AGAP1: variants seen among roughly 807,000 people sequenced by gnomAD.
AGAP1 encodes arf-GAP with GTPase, ANK repeat and PH domain-containing protein 1.
In AGAP1, 29 loss-of-function variants were observed where a neutral mutation model predicts 105.3. The observed-to-expected ratio is 0.28, with a 90% CI of 0.21 to 0.38. The LOEUF (loss-of-function observed/expected upper bound fraction) is 0.38, where lower values mean the gene tolerates loss of function less well. AGAP1 is among the 10% of genes least tolerant of loss of function. The pLI is 1.00. For missense variants in AGAP1, 998 were observed against 1,165.1 expected (o/e 0.86, Z 2.09); for synonymous variants, 509 against 485.9 (o/e 1.05, Z -0.63).
chr2:235,992,192 CG>C lies in AGAP1; in HGVS notation c.1645+23571del, dbSNP rs2055597043. Among the ~76,000 whole-genome samples the C allele has an allele frequency of 6.6e-6, 1 of 151,750 alleles. No homozygotes were observed. Among genetic ancestry groups the C allele is most frequent in the Non-Finnish European group, 1.5e-5 (1 of 67,886 alleles). Reference sequence around the variant, plus strand: ...CCGAGTTGCGTGGTTAGGAGCGCAGCGGAGGAGCCGGTCTTCCTGGGTCCAT... The same window carrying C: ...CCGAGTTGCGTGGTTAGGAGCGCAGCGAGGAGCCGGTCTTCCTGGGTCCAT... On this transcript the variant is annotated intron_variant, in intron 13 of 17. Transcript: ENST00000304032. This position sits in a 1 kb window ranked among gnomAD's most constrained non-coding sequence, Gnocchi z 4.8.
chr2:235,720,413 T>A lies in AGAP1; in HGVS notation c.310+2769T>A, dbSNP rs1434352857. Among the ~76,000 whole-genome samples the A allele has an allele frequency of 2.0e-5, 3 of 152,110 alleles. No homozygotes were observed. The highest frequency in any genetic ancestry group is 2.9e-5 in the Non-Finnish European group (2 of 68,008). On this transcript the variant is annotated intron_variant, in intron 3 of 17. Coordinates refer to ENST00000304032, the MANE Select transcript of AGAP1 (RefSeq NM_001037131.3). This position sits in a 1 kb window ranked among gnomAD's most constrained non-coding sequence, Gnocchi z 5.0. ...TGCTGGAGGCTGACAAAGCTGATGA[T>A]GGCCCAGCCTCACCTGTGGTTACTT...
chr2:235,712,665 A>G lies in AGAP1; in HGVS notation c.222+3428A>G, dbSNP rs1000767897. Among the ~76,000 whole-genome samples, 2 of 152,212 alleles carry G rather than the reference A, an allele frequency of 1.3e-5. No individual in the cohort carries two copies. Among genetic ancestry groups the G allele is most frequent in the Non-Finnish European group, 2.9e-5 (2 of 68,040 alleles). On this transcript the variant is annotated intron_variant, in intron 2 of 17. Coordinates refer to ENST00000304032, the MANE Select transcript of AGAP1 (RefSeq NM_001037131.3). This position sits in a 1 kb window ranked among gnomAD's most constrained non-coding sequence, Gnocchi z 6.0. Reference sequence around the variant, plus strand: ...GGCCTTGTGATGTGAAGGGCCGAGTATGGGTTCCAACGCACTTCATGTGCC... The same window carrying G: ...GGCCTTGTGATGTGAAGGGCCGAGTGTGGGTTCCAACGCACTTCATGTGCC...
At chr2:235,910,902 G>GATA (rs2051576617) in intron 11 of AGAP1, among the ~76,000 whole-genome samples, 1 of 150,144 alleles carries the variant, frequency 6.7e-6, no homozygotes, top group African/African-American at 2.5e-5. Flanking sequence ...GCGACAGAGT[G>GATA]AGACTCCGTC....
At chr2:235,696,792 C>A (rs1423926717) in intron 1 of AGAP1, among the ~76,000 whole-genome samples, 1 of 151,992 alleles carries the variant, frequency 6.6e-6, no homozygotes, top group African/African-American at 2.4e-5. Context: ...GAGACCATCC[C>A]AGCCAACACA....
In AGAP1 at chr2:235,549,708, A is replaced by G. The variant is rs368869338; in HGVS notation, c.163+54859A>G. Reference sequence around the variant, plus strand: ...GCAAATGTATTGATACTTTACGAGCATTCACATGCATTTAAGAGTGCTCTT... The same window carrying G: ...GCAAATGTATTGATACTTTACGAGCGTTCACATGCATTTAAGAGTGCTCTT... On this transcript the variant is annotated intron_variant, in intron 1 of 17. Transcript: ENST00000304032. This position sits in a 1 kb window ranked among gnomAD's most constrained non-coding sequence, Gnocchi z 4.2. Among the ~76,000 whole-genome samples, 7 of 152,350 alleles carry G rather than the reference A, an allele frequency of 4.6e-5. No individual in the cohort carries two copies. In the East Asian group the frequency reaches 9.7e-4, roughly 21 times the overall value.
intron 1 of AGAP1, among the ~76,000 whole-genome samples, chr2:235,707,174 G>T (rs1239002638): frequency 6.6e-6 from 1 of 152,254 alleles, no homozygotes; most frequent in Non-Finnish European, 1.5e-5. Flanking sequence ...TTTGCGGGCA[G>T]TGCAGGGAGA....
chr2:235,494,597 T>TGCGGCGCCCCGGGCTCG lies in AGAP1; in HGVS notation c.-84_-68dup. On this transcript the variant is annotated 5_prime_UTR_variant, in exon 1 of 18. Coordinates refer to ENST00000304032, the MANE Select transcript of AGAP1 (RefSeq NM_001037131.3). ...CCGGCGGGCCCGGCTCCCCGGGGGC[T>TGCGGCGCCCCGGGCTCG]GCGGCGCCCCGGGCTCGGCGGCCCG... 1.9e-6 allele frequency: 1 copy of TGCGGCGCCCCGGGCTCG among 517,722 alleles called. No homozygotes were observed. The highest frequency in any genetic ancestry group is 2.4e-6 in the Non-Finnish European group (1 of 410,724). 32.1% of individuals were successfully genotyped at this position (517,722 alleles called of 1,614,324 possible).
rs115947038 is a variant in AGAP1, at chr2:235,787,476, C to T, written c.674-10283C>T. 2.0e-5 allele frequency among the ~76,000 whole-genome samples: 3 copies of T among 152,192 alleles called. No homozygotes were observed. The highest frequency in any genetic ancestry group is 2.9e-5 in the Non-Finnish European group (2 of 68,044). On this transcript the variant is annotated intron_variant, in intron 6 of 17. Coordinates refer to ENST00000304032, the MANE Select transcript of AGAP1 (RefSeq NM_001037131.3). The surrounding 1 kb of genome is among the most constrained non-coding windows in gnomAD (Gnocchi z 4.4). ...CTATATCCCACATGCTGCCACTTAT[C>T]TAACACATTGGGAGAGAAAGGTGCA...
chr2:235,688,030 T>C (rs1949553502), intron 1 of AGAP1, among the ~76,000 whole-genome samples: 1 of 150,932 alleles, frequency 6.6e-6, no homozygotes, highest in African/African-American at 2.4e-5. Flanking sequence ...GCCTCCAGAG[T>C]AGCTGGGATT....
intron 1 of AGAP1, among the ~76,000 whole-genome samples, chr2:235,707,479 C>G (rs1413477564): frequency 8.9e-6 from 1 of 111,856 alleles, no homozygotes; most frequent in East Asian, 3.2e-4. Flanking sequence ...ATGACCCCCC[C>G]CCCCCCCGCC....
intron 9 of AGAP1, chr2:235,853,008 A>G (rs1310503198): frequency 1.6e-6 from 2 of 1,247,298 alleles, no homozygotes; most frequent in African/African-American, 1.5e-5. Context: ...GCGCTCCTCC[A>G]GAAAGTTCGG....
In AGAP1 at chr2:235,994,586, C is replaced by T. The variant is rs1287356239; in HGVS notation, c.1645+25963C>T. 6.6e-6 allele frequency among the ~76,000 whole-genome samples: 1 copy of T among 152,066 alleles called. No homozygotes were observed. Among genetic ancestry groups the T allele is most frequent in the African/African-American group, 2.4e-5 (1 of 41,426 alleles). Reference sequence around the variant, plus strand: ...TTTCTACCAAACTGTTTCCTAATTGCACTCCCTGCATTGTCTTATTCAGTC... The same window carrying T: ...TTTCTACCAAACTGTTTCCTAATTGTACTCCCTGCATTGTCTTATTCAGTC... On this transcript the variant is annotated intron_variant, in intron 13 of 17. Transcript: ENST00000304032. The surrounding 1 kb of genome is among the most constrained non-coding windows in gnomAD (Gnocchi z 4.4).
At position 235,992,602 on chromosome 2, in the gene AGAP1, T is replaced by C. The variant is rs1281053520; in HGVS notation, c.1645+23979T>C. Among the ~76,000 whole-genome samples, 1 of 152,234 alleles carries C rather than the reference T, an allele frequency of 6.6e-6. No individual in the cohort carries two copies. The highest frequency in any genetic ancestry group is 1.9e-4 in the East Asian group (1 of 5,204). On this transcript the variant is annotated intron_variant, in intron 13 of 17. Coordinates refer to ENST00000304032, the MANE Select transcript of AGAP1 (RefSeq NM_001037131.3). The surrounding 1 kb of genome is among the most constrained non-coding windows in gnomAD (Gnocchi z 4.8). ...CACTGTTGTGTTCTGATGTAAGAGA[T>C]CACTTGTTATATTATGCTTTTTAAA...
intron 10 of AGAP1, among the ~76,000 whole-genome samples, chr2:235,890,184 A>G (rs1169342365): frequency 3.0e-5 from 4 of 134,574 alleles, no homozygotes; most frequent in African/African-American, 9.1e-5. Context: ...TTTTTTTAAG[A>G]CAGTCTTACT....
intron 4 of AGAP1, among the ~76,000 whole-genome samples, chr2:235,742,033 G>A (rs1460045296): frequency 6.6e-6 from 1 of 152,190 alleles, no homozygotes; most frequent in Non-Finnish European, 1.5e-5. Flanking sequence ...GATTACAGGC[G>A]TGAGCCACCG....
intron 9 of AGAP1, among the ~76,000 whole-genome samples, chr2:235,833,333 G>C (rs1959683314): frequency 6.6e-6 from 1 of 152,218 alleles, no homozygotes; most frequent in African/African-American, 2.4e-5. Flanking sequence ...TAGAAACTTA[G>C]AAAAATCATA....
Position 235,659,394 on chromosome 2 carries a change from T to C in AGAP1, c.164-49785T>C, listed in dbSNP as rs1426622065. 6.6e-6 allele frequency among the ~76,000 whole-genome samples: 1 copy of C among 152,222 alleles called. No homozygotes were observed. The highest frequency in any genetic ancestry group is 2.4e-5 in the African/African-American group (1 of 41,454). Reference sequence around the variant, plus strand: ...GAGTGAGTAGCGTCCTCCTTAAGCATTGGCTTTGGTGCACTGGGAAGGGGC... The same window carrying C: ...GAGTGAGTAGCGTCCTCCTTAAGCACTGGCTTTGGTGCACTGGGAAGGGGC... On this transcript the variant is annotated intron_variant, in intron 1 of 17. Coordinates refer to ENST00000304032, the MANE Select transcript of AGAP1 (RefSeq NM_001037131.3). This position sits in a 1 kb window ranked among gnomAD's most constrained non-coding sequence, Gnocchi z 5.0.
intron 9 of AGAP1, among the ~76,000 whole-genome samples, chr2:235,871,346 T>A (rs530831150): frequency 6.6e-6 from 1 of 152,356 alleles, no homozygotes; most frequent in African/African-American, 2.4e-5. Flanking sequence ...TTCCAGCATC[T>A]GGCATGGCAA....
At position 235,642,400 on chromosome 2, in the gene AGAP1, A is replaced by T. The variant is rs1947227618; in HGVS notation, c.164-66779A>T. The stretch of plus-strand genomic sequence containing the variant: ...CTTGTGACTGAGGAAAACCTGGCTT[A>T]GGGATTTATCTGCAGGGACTGTCCC... On this transcript the variant is annotated intron_variant, in intron 1 of 17. Coordinates refer to ENST00000304032, the MANE Select transcript of AGAP1 (RefSeq NM_001037131.3). The surrounding 1 kb of genome is among the most constrained non-coding windows in gnomAD (Gnocchi z 4.1). Among the ~76,000 whole-genome samples the T allele has an allele frequency of 6.6e-6, 1 of 152,232 alleles. No homozygotes were observed. Among genetic ancestry groups the T allele is most frequent in the Non-Finnish European group, 1.5e-5 (1 of 68,046 alleles).
Sources: gnomAD v4.1 joint callset for allele counts (sites outside exome capture counted in the v4.1 genomes callset) on GRCh38, gnomAD v4.1.1 for gene constraint, Gnocchi (gnomAD v3.1) non-coding constraint, MANE v1.5 for transcripts, NCBI Gene and HGNC (gene_info 2026-07-23, HGNC 2026-07-21) for gene names.